The following DOCK4 variants were observed in gnomAD, a reference collection of about 807,000 sequenced individuals.
The protein encoded by DOCK4 is dedicator of cytokinesis 4.
Under a neutral mutation model 268.1 loss-of-function variants are expected in DOCK4, and 97 were observed. The observed-to-expected ratio is 0.36, with a 90% CI of 0.31 to 0.43. DOCK4 has a LOEUF of 0.43. Ranked by LOEUF, DOCK4 falls within the 20% of genes least tolerant of loss-of-function variation. The pLI is 1.00. For missense variants in DOCK4, 2,145 were observed against 2,455.7 expected (o/e 0.87, Z 2.67); for synonymous variants, 954 against 887.2 (o/e 1.08, Z -1.34).
intron 25 of DOCK4, among the ~76,000 whole-genome samples, chr7:111,835,579 G>T (rs1467150552): frequency 6.6e-6 from 1 of 152,092 alleles, no homozygotes; most frequent in East Asian, 1.9e-4. Flanking sequence ...GCTCAGCAAA[G>T]AATTTATCTA....
chr7:111,732,507 G>C, intron 51 of DOCK4: 2 of 584,754 alleles, frequency 3.4e-6, no homozygotes, highest in South Asian at 4.1e-5. Context: ...TCAGTGAAAA[G>C]TTATCATGGC....
intron 1 of DOCK4, among the ~76,000 whole-genome samples, chr7:112,032,919 A>C (rs1194650972): frequency 6.6e-6 from 1 of 152,244 alleles, no homozygotes; most frequent in African/African-American, 2.4e-5. Flanking sequence ...TCTTTTTACA[A>C]CATTCCTAAA....
intron 6 of DOCK4, among the ~76,000 whole-genome samples, chr7:111,985,466 T>C (rs750703139): frequency 2.0e-5 from 3 of 152,206 alleles, no homozygotes; most frequent in Non-Finnish European, 4.4e-5. Flanking sequence ...GCTTTCTTAC[T>C]TTCGTATTTT....
intron 8 of DOCK4, among the ~76,000 whole-genome samples, chr7:111,955,348 A>G (rs1346857620): frequency 3.3e-5 from 5 of 152,358 alleles, no homozygotes; most frequent in Non-Finnish European, 7.3e-5. Context: ...GAGATAGATG[A>G]TGTTTTCTTT....
At chr7:111,747,569 G>T in intron 42 of DOCK4, 126 bp from the exon 43 acceptor site, 3 of 904,360 alleles carry the variant, frequency 3.3e-6, no homozygotes, top group African/African-American at 1.7e-5. Context: ...TCTACCAGGG[G>T]CCATTCCGTA....
intron 52 of DOCK4, among the ~76,000 whole-genome samples, chr7:111,730,648 C>T (rs536854003): frequency 1.1e-4 from 16 of 152,142 alleles, no homozygotes; most frequent in Admixed American, 2.0e-4. Context: ...AAAAAAAACC[C>T]AAAACCCCAC....
chr7:112,120,641 A>G (rs2115887695), intron 1 of DOCK4, among the ~76,000 whole-genome samples: 1 of 152,320 alleles, frequency 6.6e-6, no homozygotes, highest in African/African-American at 2.4e-5. Flanking sequence ...ACAGACTTCA[A>G]TATACATAAA....
chr7:112,029,538 G>A (rs934452702), intron 1 of DOCK4, among the ~76,000 whole-genome samples: 2 of 152,176 alleles, frequency 1.3e-5, no homozygotes, highest in Non-Finnish European at 1.5e-5. Context: ...CTTTTGCAAA[G>A]TCAAACTGAG....
At chr7:112,200,731 A>ATAAAAT (rs1381655637) in intron 1 of DOCK4, among the ~76,000 whole-genome samples, 1 of 115,804 alleles carries the variant, frequency 8.6e-6, no homozygotes, top group South Asian at 3.0e-4. Context: ...AAAATAAAAA[A>ATAAAAT]AAAAAAACAA....
chr7:111,804,293 T>A (rs973738560), intron 30 of DOCK4, among the ~76,000 whole-genome samples: 4 of 152,216 alleles, frequency 2.6e-5, no homozygotes, highest in African/African-American at 9.6e-5. Context: ...ACAACATGAA[T>A]GAATCTTGAG....
chr7:112,194,646 T>C (rs989015665), intron 1 of DOCK4, among the ~76,000 whole-genome samples: 2 of 152,242 alleles, frequency 1.3e-5, no homozygotes, highest in African/African-American at 2.4e-5. Flanking sequence ...GTTTGGCTTA[T>C]AGAAGAACTT....
chr7:111,880,589 A>G (rs1263652621), intron 16 of DOCK4, among the ~76,000 whole-genome samples: 3 of 152,198 alleles, frequency 2.0e-5, no homozygotes, highest in Admixed American at 2.0e-4. Context: ...TGTGTAAAAT[A>G]CTCTTTACTT....
chr7:112,126,568 T>C (rs1402422554), intron 1 of DOCK4, among the ~76,000 whole-genome samples: 1 of 152,114 alleles, frequency 6.6e-6, no homozygotes, highest in African/African-American at 2.4e-5. Flanking sequence ...GGGATCTAAT[T>C]AAACTAAAAA....
intron 1 of DOCK4, among the ~76,000 whole-genome samples, chr7:112,117,904 C>T (rs1377047540): frequency 6.6e-6 from 1 of 152,080 alleles, no homozygotes; most frequent in Non-Finnish European, 1.5e-5. Flanking sequence ...TCCTGGACAT[C>T]CAAAGACATC....
intron 1 of DOCK4, among the ~76,000 whole-genome samples, chr7:112,103,971 A>G (rs1471314421): frequency 6.6e-6 from 1 of 152,178 alleles, no homozygotes; most frequent in Non-Finnish European, 1.5e-5. Context: ...GAGACCTAGA[A>G]CCTGGTCCTG....
At chr7:111,960,625 T>C (rs1285653748) in intron 8 of DOCK4, among the ~76,000 whole-genome samples, 2 of 148,904 alleles carry the variant, frequency 1.3e-5, no homozygotes, top group Non-Finnish European at 3.0e-5. Flanking sequence ...ATAACCACCA[T>C]GTTGTACAAT....
Position 111,979,971 on chromosome 7 carries a change from G to C in DOCK4, c.550-2688C>G, listed in dbSNP as rs145721940. Among the ~76,000 whole-genome samples the C allele has an allele frequency of 3.2e-3, 494 of 152,334 alleles. 2 individuals are homozygous for C. Among genetic ancestry groups the C allele is most frequent in the African/African-American group, 0.011 (445 of 41,568 alleles). On this transcript the variant is annotated intron_variant, in intron 7 of 52. Transcript: ENST00000428084. Reference sequence around the variant, plus strand: ...AGAATTTCTAGGGGCTGGGGGTCCAGAGACTGGTAGTTTTAAAAGCTCCCC... The same window carrying C: ...AGAATTTCTAGGGGCTGGGGGTCCACAGACTGGTAGTTTTAAAAGCTCCCC...
In DOCK4 at chr7:111,945,813, A is replaced by T. The variant is rs1384312554; in HGVS notation, c.702-15T>A. On this transcript the variant is annotated splice_polypyrimidine_tract_variant and intron_variant, in intron 8 of 52. Coordinates refer to ENST00000428084, the MANE Select transcript of DOCK4 (RefSeq NM_001363540.2). Reference sequence around the variant, plus strand: ...AAAATCTCTCACTACAAGAGAAAAAATGTTTAACAATTTGAAAATTATTTA... The same window carrying T: ...AAAATCTCTCACTACAAGAGAAAAATTGTTTAACAATTTGAAAATTATTTA... The T allele has an allele frequency of 3.9e-6, 6 of 1,554,754 alleles. No homozygotes were observed. The Admixed American group carries it at 9.6e-5, about 25-fold the overall frequency.
intron 12 of DOCK4, among the ~76,000 whole-genome samples, chr7:111,933,600 T>C (rs958505232): frequency 3.3e-5 from 5 of 151,942 alleles, no homozygotes; most frequent in Non-Finnish European, 7.4e-5. Flanking sequence ...CAGCCGAGAA[T>C]TGTAATTGTT....
Sources: allele counts gnomAD v4.1 joint callset (sites outside exome capture counted in the v4.1 genomes callset), GRCh38; gene constraint gnomAD v4.1.1; transcripts MANE v1.5; gene names NCBI Gene and HGNC (gene_info 2026-07-23, HGNC 2026-07-21).